The following CASQ2 variants were observed in gnomAD, a reference collection of about 807,000 sequenced individuals.
The protein encoded by CASQ2 is calsequestrin 2.
Under a neutral mutation model 46.5 loss-of-function variants are expected in CASQ2, and 49 were observed. The ratio of observed to expected loss-of-function variants is 1.05; its 90% CI spans 0.84 to 1.34. CASQ2 has a LOEUF of 1.34. Among genes scored for constraint, CASQ2 ranks in the 40% most tolerant of loss-of-function variants. The pLI, the probability that CASQ2 is intolerant of heterozygous loss-of-function variation, is 0.00. For synonymous variants in CASQ2, 174 were observed against 168.5 expected (o/e 1.03, Z -0.25); for missense variants, 486 against 481.3 (o/e 1.01, Z -0.09).
intron 2 of CASQ2, among the ~76,000 whole-genome samples, chr1:115,743,232 T>TATTTATTTATTC (rs1207661740): frequency 3.4e-5 from 5 of 147,394 alleles, no homozygotes; most frequent in African/African-American, 1.0e-4. Flanking sequence ...TTTATTTATT[T>TATTTATTTATTC]ATTCATTCAT....
chr1:115,721,783 C>G (rs1481150028), intron 7 of CASQ2, among the ~76,000 whole-genome samples: 2 of 152,290 alleles, frequency 1.3e-5, no homozygotes, highest in Admixed American at 1.3e-4. Flanking sequence ...GTTGCCCAGG[C>G]TGCTCTCGAA....
intron 1 of CASQ2, among the ~76,000 whole-genome samples, chr1:115,745,217 G>A (rs1648346588): frequency 6.6e-6 from 1 of 152,182 alleles, no homozygotes; most frequent in Non-Finnish European, 1.5e-5. Context: ...TGGATCGGGA[G>A]AAAGAAGAAT....
intron 8 of CASQ2, among the ~76,000 whole-genome samples, chr1:115,713,142 G>C (rs1402816245): frequency 6.6e-6 from 1 of 152,122 alleles, no homozygotes; most frequent in Non-Finnish European, 1.5e-5. Context: ...TATCCATCTA[G>C]CATGCACTCA....
At chr1:115,708,658 T>C (rs1654438373) in intron 8 of CASQ2, among the ~76,000 whole-genome samples, 1 of 152,218 alleles carries the variant, frequency 6.6e-6, no homozygotes, top group Non-Finnish European at 1.5e-5. Context: ...GTGCCTGGCA[T>C]ATAGTAAGGT....
At chr1:115,722,458 G>A (rs1283114033) in intron 7 of CASQ2, among the ~76,000 whole-genome samples, 1 of 152,152 alleles carries the variant, frequency 6.6e-6, no homozygotes, top group Non-Finnish European at 1.5e-5. Context: ...TTCTGTAGCA[G>A]TGTGGGATAT....
chr1:115,766,004 T>G (rs1316813353), intron 1 of CASQ2, among the ~76,000 whole-genome samples: 9 of 152,232 alleles, frequency 5.9e-5, no homozygotes, highest in Non-Finnish European at 1.2e-4. Flanking sequence ...TTTTTTCCCT[T>G]GATGCTGCGC....
At chr1:115,701,483 A>G in intron 10 of CASQ2, 57 bp from the exon 11 acceptor site, 1 of 1,132,286 alleles carries the variant, frequency 8.8e-7, no homozygotes. Flanking sequence ...GAACCAGACC[A>G]GGGATAGCCG....
intron 7 of CASQ2, among the ~76,000 whole-genome samples, chr1:115,719,235 A>G (rs1186086626): frequency 1.3e-5 from 2 of 151,754 alleles, no homozygotes; most frequent in African/African-American, 4.8e-5. Context: ...TTTTACAGAT[A>G]CGCATGTGTG....
chr1:115,750,458 T>C (rs1288794949), intron 1 of CASQ2, among the ~76,000 whole-genome samples: 2 of 152,240 alleles, frequency 1.3e-5, no homozygotes, highest in Admixed American at 6.5e-5. Flanking sequence ...TTGCTGATTC[T>C]TTTAAGTACA....
chr1:115,751,714 A>G (rs1296912498), intron 1 of CASQ2, among the ~76,000 whole-genome samples: 1 of 152,128 alleles, frequency 6.6e-6, no homozygotes, highest in Non-Finnish European at 1.5e-5. Context: ...GAGTAGGACA[A>G]AAAAATAAGG....
Position 115,768,438 on chromosome 1 carries a change from A to G in CASQ2, c.104T>C (p.Val35Ala), listed in dbSNP as rs1649204267. The G allele has an allele frequency of 3.7e-6, 6 of 1,613,740 alleles. No individual in the cohort carries two copies. The highest frequency in any genetic ancestry group is 4.2e-6 in the Non-Finnish European group (5 of 1,179,648). Residue 35 changes from valine to alanine, a missense_variant, in exon 1 of 11, where the codon GTA (valine) becomes GCA (alanine). Transcript: ENST00000261448. ...FPTYDGKDRV[V>A]SLSEKNFKQV... is the part of the protein sequence containing the mutation. ...CTTGAAGTTCTTCTCGGAAAGACTT[A>G]CCACTCGGTCCTTCCCATCATATGT...
intron 8 of CASQ2, among the ~76,000 whole-genome samples, chr1:115,712,760 G>A (rs1208941382): frequency 1.3e-5 from 2 of 151,736 alleles, no homozygotes; most frequent in Admixed American, 6.6e-5. Flanking sequence ...GGAGGCTGAG[G>A]CAGGAGAATC....
intron 7 of CASQ2, 152 bp downstream of exon 7, chr1:115,725,356 C>G: frequency 2.2e-6 from 2 of 910,526 alleles, no homozygotes; most frequent in Non-Finnish European, 3.6e-6. Context: ...TCTGAGCCGT[C>G]GTACCCAATC....
chr1:115,725,301 C>A (rs534376727), intron 7 of CASQ2, among the ~76,000 whole-genome samples: 182 of 152,228 alleles, frequency 1.2e-3, no homozygotes, highest in Non-Finnish European at 2.2e-3. Context: ...CACCTGAACT[C>A]AAGTGATCCC....
At position 115,733,271 on chromosome 1, in the gene CASQ2, C is replaced by G. The variant is rs190719296; in HGVS notation, c.533-297G>C. ...GGAGGAAAAGAGAGAGAAAAAGACG[C>G]GTAAAACTCCAAACCAAAATAAAAA... On this transcript the variant is annotated intron_variant, in intron 4 of 10. Coordinates refer to ENST00000261448, the MANE Select transcript of CASQ2 (RefSeq NM_001232.4). 0.01 allele frequency among the ~76,000 whole-genome samples: 1,582 copies of G among 152,176 alleles called. 19 individuals carry two copies. Among genetic ancestry groups the G allele is most frequent in the Middle Eastern group, 0.034 (10 of 294 alleles).
At chr1:115,752,891 C>T (rs1648630541) in intron 1 of CASQ2, among the ~76,000 whole-genome samples, 1 of 152,138 alleles carries the variant, frequency 6.6e-6, no homozygotes, top group East Asian at 1.9e-4. Flanking sequence ...TGATCTCAGA[C>T]CAAGACAGTG....
At chr1:115,713,896 C>T (rs577658483) in intron 8 of CASQ2, among the ~76,000 whole-genome samples, 6 of 152,148 alleles carry the variant, frequency 3.9e-5, no homozygotes, top group South Asian at 2.1e-4. Flanking sequence ...CCTGTGATCC[C>T]GAACATGCCA....
chr1:115,726,847 T>A lies in CASQ2; in HGVS notation c.737+145A>T, dbSNP rs577706885. On this transcript the variant is annotated intron_variant, in intron 6 of 10. Transcript: ENST00000261448. ...TAACATCCCTGCTAGTCATTACTGA[T>A]CAACAAAGCCATACTACTGAGTTCT... is the stretch of plus-strand genomic sequence containing the variant. 2.6e-4 allele frequency: 177 copies of A among 673,452 alleles called. 1 individual carries two copies. The highest frequency in any genetic ancestry group is 3.9e-4 in the Middle Eastern group (1 of 2,540). The allele number at this position is 673,452 out of a possible 1,614,324, so 41.7% of individuals were successfully genotyped here.
chr1:115,731,549 T>C (rs1647783522), intron 5 of CASQ2, among the ~76,000 whole-genome samples: 2 of 152,224 alleles, frequency 1.3e-5, no homozygotes, highest in Admixed American at 1.3e-4. Context: ...TTATGAACAA[T>C]GGTGCTCATA....
Sources: gnomAD v4.1 joint callset for allele counts (sites outside exome capture counted in the v4.1 genomes callset) on GRCh38, gnomAD v4.1.1 for gene constraint, MANE v1.5 for transcripts, NCBI Gene and HGNC (gene_info 2026-07-23, HGNC 2026-07-21) for gene names.